Variants in CEPT1 observed in about 807,000 individuals in gnomAD.
The protein encoded by CEPT1 is choline/ethanolaminephosphotransferase 1.
Under a neutral mutation model 42.6 loss-of-function variants are expected in CEPT1, and 7 were observed. The ratio of observed to expected loss-of-function variants is 0.16; its 90% confidence interval spans 0.09 to 0.31. The LOEUF (loss-of-function observed/expected upper bound fraction) is 0.31, where lower values mean the gene tolerates loss of function less well. Ranked by LOEUF, CEPT1 falls within the 10% of genes least tolerant of loss-of-function variation. The probability of loss-of-function intolerance (pLI) is 1.00; values close to 1 mark genes in which losing one functional copy is unlikely to be tolerated. For synonymous variants in CEPT1, 171 were observed against 171.9 expected, an observed-to-expected ratio of 0.99 and a Z score of 0.04; for missense variants, 306 against 502.1, an observed-to-expected ratio of 0.61 and a Z score of 3.73.
At chr1:111,146,730 A>G (rs1354863523) in intron 1 of CEPT1, among the ~76,000 whole-genome samples, 1 of 152,100 alleles carries the variant, frequency 6.6e-6, no homozygotes, top group Non-Finnish European at 1.5e-5. Flanking sequence ...TCTAAATGAA[A>G]TACAAATACT....
At chr1:111,142,631 C>CTACA (rs1654718239) in intron 1 of CEPT1, among the ~76,000 whole-genome samples, 1 of 152,074 alleles carries the variant, frequency 6.6e-6, no homozygotes, top group Admixed American at 6.5e-5. Flanking sequence ...CCAGCCTGTG[C>CTACA]TACAGAGCGA....
At position 111,144,097 on chromosome 1, in the gene CEPT1, G is replaced by A. The variant is rs71673412; in HGVS notation, c.-73-3545G>A. 3.0e-3 allele frequency among the ~76,000 whole-genome samples: 455 copies of A among 151,976 alleles called. 2 individuals carry two copies. The highest frequency in any genetic ancestry group is 4.6e-3 in the Non-Finnish European group (315 of 67,980). Reference sequence around the variant, plus strand: ...ACCCCACATCCATTTTTCCTTTCTCGCCACATTGTCCTGATCTTCCTGTTG... The same window carrying A: ...ACCCCACATCCATTTTTCCTTTCTCACCACATTGTCCTGATCTTCCTGTTG... On this transcript the variant is annotated intron_variant, in intron 1 of 8. Coordinates refer to ENST00000357172, the MANE Select transcript of CEPT1 (RefSeq NM_006090.5).
intron 5 of CEPT1, chr1:111,180,279 T>G (rs927878287): frequency 2.0e-5 from 3 of 152,150 alleles, no homozygotes; most frequent in Non-Finnish European, 4.4e-5. Context: ...AGAGATCTTT[T>G]GTCTCTATGG....
chr1:111,182,542 T>C lies in CEPT1; in HGVS notation c.846+224T>C, dbSNP rs1462888762. ...CATACACACACACAAACACACTTAT[T>C]CACATGTTTTTTAAAGTATGAGCTG... On this transcript the variant is annotated intron_variant, in intron 6 of 8. Transcript: ENST00000357172. The C allele has an allele frequency of 8.7e-6, 5 of 575,976 alleles. No individual in the cohort carries two copies. In the Admixed American group the frequency reaches 1.8e-4, roughly 21 times the overall value. The allele number at this position is 575,976 out of a possible 1,614,324, so 35.7% of individuals were successfully genotyped here.
intron 7 of CEPT1, 67 bp downstream of exon 7, chr1:111,183,024 T>A (rs1657067187): frequency 6.8e-7 from 1 of 1,471,086 alleles, no homozygotes; most frequent in African/African-American, 1.4e-5. Context: ...ATGGCTATAG[T>A]TCTCATTCTG....
intron 2 of CEPT1, among the ~76,000 whole-genome samples, chr1:111,154,696 G>C (rs532028886): frequency 6.6e-6 from 1 of 152,316 alleles, no homozygotes; most frequent in East Asian, 1.9e-4. Context: ...TTATCTTGAA[G>C]AGATGTTGAA....
intron 5 of CEPT1, among the ~76,000 whole-genome samples, 196 bp downstream of exon 5, chr1:111,175,159 G>A (rs992231081): frequency 1.3e-5 from 2 of 152,034 alleles, no homozygotes; most frequent in African/African-American, 4.8e-5. Context: ...CTATTCCAGG[G>A]CTATTATTTT....
At chr1:111,180,885 C>G (rs1041171227) in intron 5 of CEPT1, 3 of 152,152 alleles carry the variant, frequency 2.0e-5, no homozygotes, top group African/African-American at 7.2e-5. Flanking sequence ...TCATTGTGAC[C>G]GGGCATGGTG....
At chr1:111,152,463 A>G (rs1655332292) in intron 2 of CEPT1, among the ~76,000 whole-genome samples, 1 of 152,190 alleles carries the variant, frequency 6.6e-6, no homozygotes, top group Non-Finnish European at 1.5e-5. Context: ...AAAGTTTAAC[A>G]GTATTTTTGT....
intron 4 of CEPT1, among the ~76,000 whole-genome samples, chr1:111,171,453 C>T (rs1174483591): frequency 2.0e-5 from 3 of 152,158 alleles, no homozygotes; most frequent in Admixed American, 6.6e-5. Context: ...AATCAGTTGA[C>T]CATTAGGGTG....
chr1:111,146,846 T>C (rs1654994518), intron 1 of CEPT1, among the ~76,000 whole-genome samples: 1 of 152,154 alleles, frequency 6.6e-6, no homozygotes, highest in South Asian at 2.1e-4. Context: ...CTAATACATA[T>C]ATACTGTCTT....
intron 8 of CEPT1, 62 bp from the exon 9 acceptor site, chr1:111,184,129 T>G: frequency 6.4e-7 from 1 of 1,570,556 alleles, no homozygotes; most frequent in South Asian, 1.2e-5. Context: ...CCAGTCCTCT[T>G]TACTTTCAGG....
In CEPT1 at chr1:111,155,307, G is replaced by A. The variant is rs113673869; in HGVS notation, c.340-4073G>A. Among the ~76,000 whole-genome samples the A allele has an allele frequency of 6.9e-3, 1,051 of 152,000 alleles. 14 individuals carry two copies. The highest frequency in any genetic ancestry group is 0.021 in the African/African-American group (875 of 41,488). ...ACCTCTAATGATCTTTTATATTTCTGTGGTATCAGTTGTAATGCCTCTTTT... is the reference window on the plus strand; with the variant it reads ...ACCTCTAATGATCTTTTATATTTCTATGGTATCAGTTGTAATGCCTCTTTT... On this transcript the variant is annotated intron_variant, in intron 2 of 8. Coordinates refer to ENST00000357172, the MANE Select transcript of CEPT1 (RefSeq NM_006090.5).
At chr1:111,183,699 A>G in intron 8 of CEPT1, 112 bp downstream of exon 8, 1 of 1,120,364 alleles carries the variant, frequency 8.9e-7, no homozygotes, top group Non-Finnish European at 1.3e-6. Flanking sequence ...AATGATTTGG[A>G]ATGTCAGAAA....
Position 111,182,887 on chromosome 1 carries a change from T to A in CEPT1, c.935T>A (p.Phe312Tyr). The A allele has an allele frequency of 6.2e-7, 1 of 1,613,848 alleles. No individual in the cohort carries two copies. Among genetic ancestry groups the A allele is most frequent in the South Asian group, 1.1e-5 (1 of 91,070 alleles). ...TACAAGAAATCTGCAGTTCAGCTTT[T>A]TGAAAAGCATCCCTGTCTTTATATA... ...MIYKKSAVQL[F>Y]EKHPCLYILT... The change falls in exon 7 of 9, where the codon TTT becomes TAT. Residue 312 changes from phenylalanine (F) to tyrosine (Y), a missense_variant. Transcript: ENST00000357172.
intron 1 of CEPT1, among the ~76,000 whole-genome samples, chr1:111,146,270 G>GT (rs1246832980): frequency 6.6e-6 from 1 of 151,772 alleles, no homozygotes; most frequent in African/African-American, 2.4e-5. Context: ...CAAAACTCCA[G>GT]TTTTTTGATT....
upstream of CEPT1, chr1:111,140,058 T>C (rs552667092): frequency 3.9e-5 from 6 of 152,576 alleles, no homozygotes; most frequent in South Asian, 6.2e-4. Context: ...CGACTAGCGC[T>C]GGCCGCTGGC....
chr1:111,157,026 C>T (rs530791657), intron 2 of CEPT1, among the ~76,000 whole-genome samples: 1 of 152,238 alleles, frequency 6.6e-6, no homozygotes, highest in South Asian at 2.1e-4. Context: ...TTCAGTATCT[C>T]CCCCAGGGTC....
At chr1:111,161,415 AT>A in intron 4 of CEPT1, 119 bp downstream of exon 4, 1 of 951,450 alleles carries the variant, frequency 1.1e-6, no homozygotes, top group Non-Finnish European at 1.5e-6. Flanking sequence ...AAATTAAAAA[AT>A]TTATGCTTCA....
Sources: gnomAD v4.1 joint callset for allele counts (sites outside exome capture counted in the v4.1 genomes callset) on GRCh38, gnomAD v4.1.1 for gene constraint, MANE v1.5 for transcripts, NCBI Gene and HGNC (gene_info 2026-07-23, HGNC 2026-07-21) for gene names.